SH3BGRL2: variants seen among roughly 807,000 people sequenced by gnomAD.
SH3BGRL2 encodes the protein SH3 domain binding glutamate rich protein like 2.
Under a neutral mutation model 14.8 loss-of-function variants are expected in SH3BGRL2, and 21 were observed. The observed-to-expected ratio is 1.42, with a 90% CI of 1.01 to 2.05. SH3BGRL2 has a LOEUF of 2.05. Among genes scored for constraint, SH3BGRL2 ranks in the 30% most tolerant of loss-of-function variants. The pLI is 0.00. For missense variants in SH3BGRL2, 147 were observed against 130.8 expected (o/e 1.12, Z -0.61); for synonymous variants, 50 against 47.8 (o/e 1.05, Z -0.19).
At chr6:79,624,987 A>G in the SH3BGRL2 span, among the ~76,000 whole-genome samples, 1 of 152,066 alleles carries the variant, frequency 6.6e-6, no homozygotes, top group Non-Finnish European at 1.5e-5. Context: ...CCCAGGCAAC[A>G]TAGACTCCGT....
intron 1 of SH3BGRL2, among the ~76,000 whole-genome samples, chr6:79,651,297 G>A (rs1319509101): frequency 6.6e-6 from 1 of 152,152 alleles, no homozygotes; most frequent in Non-Finnish European, 1.5e-5. Context: ...TAATTAACAG[G>A]AGGCACGTGT....
At chr6:79,659,907 A>T in intron 1 of SH3BGRL2, among the ~76,000 whole-genome samples, 1 of 116,052 alleles carries the variant, frequency 8.6e-6, no homozygotes, top group African/African-American at 3.0e-5. Flanking sequence ...AGGAATTGTA[A>T]ATGGGAGTTC....
the SH3BGRL2 span, among the ~76,000 whole-genome samples, chr6:79,567,618 TA>T: frequency 1.3e-5 from 2 of 152,220 alleles, no homozygotes; most frequent in Non-Finnish European, 2.9e-5. Flanking sequence ...AACCAAAAAA[TA>T]AATTTCTGGC....
chr6:79,565,427 A>G, the SH3BGRL2 span, among the ~76,000 whole-genome samples: 1 of 152,128 alleles, frequency 6.6e-6, no homozygotes, highest in Non-Finnish European at 1.5e-5. Flanking sequence ...ATTTACTGCC[A>G]TATTTTATTT....
At chr6:79,648,255 C>CATATAAATATATATATATAT (rs1769182714) in intron 1 of SH3BGRL2, among the ~76,000 whole-genome samples, 2 of 62,456 alleles carry the variant, frequency 3.2e-5, no homozygotes, top group South Asian at 1.5e-3. Context: ...ATTCTTTTGG[C>CATATAAATATATATATATAT]ATATATATAT....
intron 1 of SH3BGRL2, among the ~76,000 whole-genome samples, chr6:79,663,222 G>A (rs561877863): frequency 2.0e-4 from 30 of 152,258 alleles, no homozygotes; most frequent in Non-Finnish European, 2.8e-4. Flanking sequence ...TTGGAGAAGA[G>A]GTGCTCTGGT....
the SH3BGRL2 span, among the ~76,000 whole-genome samples, chr6:79,545,907 C>T: frequency 6.6e-6 from 1 of 152,060 alleles, no homozygotes; most frequent in Non-Finnish European, 1.5e-5. Context: ...CCTTGGTAAG[C>T]AATAGCTTCT....
At chr6:79,679,654 C>T (rs887826917) in intron 2 of SH3BGRL2, among the ~76,000 whole-genome samples, 5 of 152,088 alleles carry the variant, frequency 3.3e-5, no homozygotes, top group Admixed American at 3.3e-4. Flanking sequence ...AACAGCCAAA[C>T]TATTTTCTAT....
chr6:79,646,685 G>T (rs1434649228), intron 1 of SH3BGRL2, among the ~76,000 whole-genome samples: 2 of 152,120 alleles, frequency 1.3e-5, no homozygotes, highest in East Asian at 3.9e-4. Context: ...CCTATTAGTA[G>T]TCACTCCCCA....
At chr6:79,661,745 A>G (rs188283575) in intron 1 of SH3BGRL2, among the ~76,000 whole-genome samples, 3 of 152,142 alleles carry the variant, frequency 2.0e-5, no homozygotes, top group Non-Finnish European at 4.4e-5. Context: ...AAAGTCTCCC[A>G]TTATTATTGT....
intron 2 of SH3BGRL2, among the ~76,000 whole-genome samples, chr6:79,684,057 G>C (rs1770045693): frequency 6.6e-6 from 1 of 152,176 alleles, no homozygotes; most frequent in South Asian, 2.1e-4. Context: ...AATTGTAACT[G>C]TTAGCCACAG....
chr6:79,637,485 G>A (rs1768948414), intron 1 of SH3BGRL2, among the ~76,000 whole-genome samples: 1 of 152,076 alleles, frequency 6.6e-6, no homozygotes, highest in African/African-American at 2.4e-5. Flanking sequence ...GAGGTCAGGA[G>A]TTCGAGACCA....
At chr6:79,545,452 T>C in the SH3BGRL2 span, among the ~76,000 whole-genome samples, 1 of 152,228 alleles carries the variant, frequency 6.6e-6, no homozygotes, top group Non-Finnish European at 1.5e-5. Flanking sequence ...ATTAACATAT[T>C]TATGTTTTTA....
the SH3BGRL2 span, among the ~76,000 whole-genome samples, chr6:79,562,489 C>G: frequency 3.9e-4 from 59 of 152,250 alleles, no homozygotes; most frequent in African/African-American, 1.4e-3. Context: ...ACTTAAAAAT[C>G]TCAGTGTTTA....
chr6:79,604,503 A>G, the SH3BGRL2 span, among the ~76,000 whole-genome samples: 1 of 152,210 alleles, frequency 6.6e-6, no homozygotes, highest in Non-Finnish European at 1.5e-5. Flanking sequence ...CGCTCAGGAA[A>G]CAGTGGTGGT....
At chr6:79,576,828 G>A in the SH3BGRL2 span, among the ~76,000 whole-genome samples, 48 of 152,002 alleles carry the variant, frequency 3.2e-4, no homozygotes, top group South Asian at 1.7e-3. Context: ...CCTTTCAGTC[G>A]CTATAGATCA....
At chr6:79,692,834 A>G (rs1770251930) in intron 2 of SH3BGRL2, among the ~76,000 whole-genome samples, 1 of 152,176 alleles carries the variant, frequency 6.6e-6, no homozygotes, top group Non-Finnish European at 1.5e-5. Context: ...TGACTTGGCG[A>G]TGCGGGCTCT....
At chr6:79,574,747 G>A in the SH3BGRL2 span, 1 of 152,168 alleles carries the variant, frequency 6.6e-6, no homozygotes, top group Admixed American at 6.5e-5. Flanking sequence ...ACAACAATTT[G>A]TTGGTGGTAT....
At chr6:79,687,166 ATTG>A (rs1487568053) in intron 2 of SH3BGRL2, among the ~76,000 whole-genome samples, 2 of 152,110 alleles carry the variant, frequency 1.3e-5, no homozygotes, top group Non-Finnish European at 2.9e-5. Context: ...CCTGCTCCAG[ATTG>A]TTGTGTTCAT....
Sources: gnomAD v4.1 joint callset for allele counts (sites outside exome capture counted in the v4.1 genomes callset) on GRCh38, gnomAD v4.1.1 for gene constraint, MANE v1.5 for transcripts, NCBI Gene and HGNC (gene_info 2026-07-23, HGNC 2026-07-21) for gene names.